The following MACROD2 variants were observed in gnomAD, a reference collection of about 807,000 sequenced individuals.
MACROD2 encodes ADP-ribose glycohydrolase MACROD2.
MACROD2 carries 36 observed loss-of-function variants against 70.4 expected under a neutral mutation model. The ratio of observed to expected loss-of-function variants is 0.51; its 90% CI spans 0.39 to 0.68. The LOEUF (loss-of-function observed/expected upper bound fraction) is 0.68, where lower values mean the gene tolerates loss of function less well. MACROD2 is among the 30% of genes least tolerant of loss of function. The pLI is 0.00. For synonymous variants in MACROD2, 172 were observed against 178.8 expected (o/e 0.96, Z 0.30); for missense variants, 496 against 538.4 (o/e 0.92, Z 0.78).
chr20:14,161,690 C>A (rs942484255), intron 3 of MACROD2, among the ~76,000 whole-genome samples: 2 of 151,956 alleles, frequency 1.3e-5, no homozygotes, highest in African/African-American at 4.8e-5. Context: ...GATTCTCCTG[C>A]CTCAGCCTTC....
At chr20:15,161,911 A>G (rs2076350896) in intron 5 of MACROD2, among the ~76,000 whole-genome samples, 1 of 152,100 alleles carries the variant, frequency 6.6e-6, no homozygotes, top group Non-Finnish European at 1.5e-5. Flanking sequence ...GCAGTTTGGA[A>G]TTTAATCCTG....
At chr20:15,036,230 G>A (rs1267104980) in intron 5 of MACROD2, among the ~76,000 whole-genome samples, 3 of 152,030 alleles carry the variant, frequency 2.0e-5, no homozygotes, top group African/African-American at 7.3e-5. Context: ...CATCTTCCTG[G>A]ATTGGTGCTA....
intron 3 of MACROD2, among the ~76,000 whole-genome samples, chr20:14,205,371 A>T (rs2081514394): frequency 6.6e-6 from 1 of 152,198 alleles, no homozygotes; most frequent in African/African-American, 2.4e-5. Flanking sequence ...TGTATTAAGC[A>T]CAAAGGAAAC....
intron 3 of MACROD2, among the ~76,000 whole-genome samples, chr20:14,176,150 C>T (rs1194466873): frequency 1.3e-5 from 2 of 152,142 alleles, no homozygotes; most frequent in Non-Finnish European, 2.9e-5. Context: ...TAACTTGAAC[C>T]TATTTTTCTT....
At chr20:14,280,439 T>G (rs145967353) in intron 3 of MACROD2, among the ~76,000 whole-genome samples, 146 of 152,258 alleles carry the variant, frequency 9.6e-4, no homozygotes, top group Non-Finnish European at 1.7e-3. Context: ...GTGCAATGCC[T>G]AATAAAAAGA....
At chr20:14,348,749 T>C (rs1031756100) in intron 3 of MACROD2, among the ~76,000 whole-genome samples, 1 of 152,160 alleles carries the variant, frequency 6.6e-6, no homozygotes, top group Non-Finnish European at 1.5e-5. Context: ...GAACCATATA[T>C]GCATTTTTTA....
chr20:14,473,990 T>C (rs949541172), intron 3 of MACROD2, among the ~76,000 whole-genome samples: 9 of 152,080 alleles, frequency 5.9e-5, no homozygotes, highest in Admixed American at 2.6e-4. Flanking sequence ...CATTTTATAG[T>C]TGGATTATTT....
chr20:15,323,101 GT>G (rs1398484016), intron 6 of MACROD2, among the ~76,000 whole-genome samples: 3 of 103,800 alleles, frequency 2.9e-5, no homozygotes, highest in African/African-American at 8.9e-5. Flanking sequence ...CCATTCTGCA[GT>G]GATATATTGC....
chr20:14,035,927 G>A (rs1054419192), intron 2 of MACROD2, among the ~76,000 whole-genome samples: 1 of 152,230 alleles, frequency 6.6e-6, no homozygotes, highest in African/African-American at 2.4e-5. Context: ...CGGATCACGA[G>A]GTCAGGAGAT....
At chr20:14,376,751 AAATAATAATAATAATAATAATAAT>A (rs6147295) in intron 3 of MACROD2, among the ~76,000 whole-genome samples, 5 of 135,874 alleles carry the variant, frequency 3.7e-5, no homozygotes, top group East Asian at 2.2e-4. Context: ...GCCTGTCTCA[AAATAATAATAATAATAATAATAAT>A]AATAATAATA....
intron 8 of MACROD2, among the ~76,000 whole-genome samples, chr20:15,753,256 G>A (rs1354481034): frequency 6.6e-6 from 1 of 152,136 alleles, no homozygotes; most frequent in Non-Finnish European, 1.5e-5. Context: ...CACCTAACAG[G>A]AAGCTCCGCT....
At chr20:14,060,063 A>G (rs1002935066) in intron 2 of MACROD2, among the ~76,000 whole-genome samples, 2 of 152,212 alleles carry the variant, frequency 1.3e-5, no homozygotes, top group African/African-American at 2.4e-5. Context: ...TACTCTAAAT[A>G]TGGTGGAAAA....
At chr20:15,723,911 G>A (rs1004299945) in intron 8 of MACROD2, among the ~76,000 whole-genome samples, 2 of 152,212 alleles carry the variant, frequency 1.3e-5, no homozygotes, top group South Asian at 2.1e-4. Flanking sequence ...CACCAGCAAT[G>A]AATGAGACTT....
At chr20:15,368,319 T>C (rs139395683) in intron 6 of MACROD2, among the ~76,000 whole-genome samples, 87 of 152,222 alleles carry the variant, frequency 5.7e-4, no homozygotes, top group African/African-American at 2.1e-3. Context: ...CTAAGTAATT[T>C]GTAATGCCAT....
chr20:15,197,951 C>T (rs1270515648), intron 5 of MACROD2, among the ~76,000 whole-genome samples: 1 of 141,006 alleles, frequency 7.1e-6, no homozygotes, highest in Non-Finnish European at 1.5e-5. Context: ...CCTGCCTTGG[C>T]CTGGCCTCCT....
At chr20:16,036,411 C>A (rs191102927) in intron 15 of MACROD2, among the ~76,000 whole-genome samples, 2 of 151,852 alleles carry the variant, frequency 1.3e-5, no homozygotes, top group African/African-American at 4.8e-5. Flanking sequence ...ACTCCACTAA[C>A]CTAGAAAAAA....
chr20:14,605,464 A>T (rs1982744826), intron 4 of MACROD2, among the ~76,000 whole-genome samples: 1 of 152,164 alleles, frequency 6.6e-6, no homozygotes, highest in Non-Finnish European at 1.5e-5. Flanking sequence ...TCATTTTAAC[A>T]TGATCATTGG....
At chr20:15,256,680 G>A (rs1200196932) in intron 6 of MACROD2, among the ~76,000 whole-genome samples, 1 of 152,118 alleles carries the variant, frequency 6.6e-6, no homozygotes, top group South Asian at 2.1e-4. Flanking sequence ...TAAGAACTAT[G>A]TGTGGTAAGA....
chr20:14,884,648 A>C (rs902981186), intron 5 of MACROD2: 2 of 152,234 alleles, frequency 1.3e-5, no homozygotes, highest in African/African-American at 4.8e-5. Context: ...GATCCCCCTC[A>C]CAACCAAGAG....
Sources: allele counts gnomAD v4.1 joint callset (sites outside exome capture counted in the v4.1 genomes callset), GRCh38; gene constraint gnomAD v4.1.1; transcripts MANE v1.5; gene names NCBI Gene and HGNC (gene_info 2026-07-23, HGNC 2026-07-21).